Variants in SPATS2 observed in about 807,000 individuals in gnomAD.
SPATS2 encodes the protein spermatogenesis associated serine rich 2.
A neutral mutation model predicts 63.7 loss-of-function variants in SPATS2; 38 were observed. The observed-to-expected ratio is 0.60, with a 90% CI of 0.46 to 0.78. The LOEUF (loss-of-function observed/expected upper bound fraction) is 0.78. Ranked by LOEUF, SPATS2 falls within the 30% of genes least tolerant of loss-of-function variation. SPATS2 has a pLI of 0.00. For synonymous variants in SPATS2, 207 were observed against 232.9 expected (o/e 0.89, Z 1.01); for missense variants, 588 against 666.2 (o/e 0.88, Z 1.29).
chr12:49,491,499 G>A (rs1301572844), intron 6 of SPATS2, among the ~76,000 whole-genome samples: 1 of 152,034 alleles, frequency 6.6e-6, no homozygotes, highest in African/African-American at 2.4e-5. Context: ...AGGATCACTT[G>A]CGCCCAGGAG....
chr12:49,459,405 A>G (rs968992433), intron 2 of SPATS2, among the ~76,000 whole-genome samples: 4 of 151,752 alleles, frequency 2.6e-5, no homozygotes, highest in Non-Finnish European at 4.4e-5. Flanking sequence ...CTGGAGTGCA[A>G]TGGTGCGATC....
At chr12:49,483,780 T>C (rs915373501) in intron 3 of SPATS2, among the ~76,000 whole-genome samples, 2 of 152,200 alleles carry the variant, frequency 1.3e-5, no homozygotes, top group African/African-American at 4.8e-5. Flanking sequence ...TGTTATCACC[T>C]GGGAGTAAAA....
At chr12:49,373,411 C>T (rs902389657) in intron 2 of SPATS2, among the ~76,000 whole-genome samples, 1 of 152,220 alleles carries the variant, frequency 6.6e-6, no homozygotes, top group Non-Finnish European at 1.5e-5. Context: ...TGAGCCCACA[C>T]TTACTTTGTA....
chr12:49,421,515 A>G (rs970383352), intron 2 of SPATS2, among the ~76,000 whole-genome samples: 1 of 152,122 alleles, frequency 6.6e-6, no homozygotes, highest in Non-Finnish European at 1.5e-5. Context: ...GAGGGATACA[A>G]ATCCCACAGA....
At chr12:49,396,585 G>T (rs1159208233) in intron 2 of SPATS2, among the ~76,000 whole-genome samples, 1 of 152,114 alleles carries the variant, frequency 6.6e-6, no homozygotes, top group Non-Finnish European at 1.5e-5. Context: ...TCAGCTTGGG[G>T]TCCCTCTACC....
intron 7 of SPATS2, among the ~76,000 whole-genome samples, chr12:49,495,277 T>A (rs892922863): frequency 6.6e-6 from 1 of 152,118 alleles, no homozygotes; most frequent in African/African-American, 2.4e-5. Context: ...CACTGCAAGC[T>A]CCACCTCCTG....
intron 2 of SPATS2, among the ~76,000 whole-genome samples, chr12:49,458,675 G>T (rs996881362): frequency 2.6e-5 from 4 of 151,458 alleles, no homozygotes; most frequent in Non-Finnish European, 4.4e-5. Flanking sequence ...AGCTACACGG[G>T]AGCCTGAGGC....
Position 49,524,835 on chromosome 12 carries a change from C to T in SPATS2, c.1265C>T (p.Pro422Leu), listed in dbSNP as rs781041192. ...AGTGCTAACAAGAAAAACTTTGCAC[C>T]GGGAGAGACTCCTGCAGCCATAGCA... ...LTSANKKNFA[P>L]GETPAAIANS... The change falls in exon 13 of 14, where the codon CCG becomes CTG. Residue 422 changes from proline (P) to leucine (L), a missense_variant. Transcript: ENST00000552918. 31 of 1,613,898 alleles carry T rather than the reference C, an allele frequency of 1.9e-5. No homozygotes were observed. The highest frequency in any genetic ancestry group is 1.3e-4 in the East Asian group (6 of 44,884).
At chr12:49,440,247 G>A (rs1011600496) in intron 2 of SPATS2, among the ~76,000 whole-genome samples, 2 of 152,098 alleles carry the variant, frequency 1.3e-5, no homozygotes, top group African/African-American at 4.8e-5. Flanking sequence ...ACATAAACCT[G>A]AAGAGTCAAA....
At chr12:49,490,754 G>A in intron 6 of SPATS2, 23 bp downstream of exon 6, 1 of 1,607,742 alleles carries the variant, frequency 6.2e-7, no homozygotes, top group South Asian at 1.1e-5. Context: ...ACATTTAAAA[G>A]CATGATGATG....
intron 2 of SPATS2, among the ~76,000 whole-genome samples, chr12:49,427,460 T>G (rs1945101013): frequency 6.6e-6 from 1 of 152,202 alleles, no homozygotes. Context: ...TTCCATTTTC[T>G]TAACTGTTAT....
intron 10 of SPATS2, among the ~76,000 whole-genome samples, chr12:49,516,274 C>T (rs1404616088): frequency 7.0e-6 from 1 of 142,834 alleles, no homozygotes; most frequent in Non-Finnish European, 1.5e-5. Context: ...GTGGAAGGAT[C>T]ACTTGAGCCC....
chr12:49,494,685 TG>T, intron 6 of SPATS2, 55 bp from the exon 7 acceptor site: 2 of 1,455,804 alleles, frequency 1.4e-6, no homozygotes, highest in Non-Finnish European at 1.8e-6. Flanking sequence ...CTCTCTAGGT[TG>T]TGGGGGAATC....
upstream of SPATS2, chr12:49,367,345 G>A (rs1041307419): frequency 5.1e-6 from 2 of 390,640 alleles, no homozygotes; most frequent in Non-Finnish European, 4.5e-6. Flanking sequence ...GCGAGGGTCG[G>A]GGTGATCTGC....
intron 2 of SPATS2, among the ~76,000 whole-genome samples, chr12:49,377,090 C>CT (rs1187855467): frequency 1.3e-5 from 2 of 152,116 alleles, no homozygotes; most frequent in Non-Finnish European, 2.9e-5. Context: ...AATATACACA[C>CT]TGAATACACT....
At chr12:49,519,034 A>G in intron 10 of SPATS2, 39 bp from the exon 11 acceptor site, 2 of 1,526,146 alleles carry the variant, frequency 1.3e-6, no homozygotes, top group Non-Finnish European at 1.8e-6. Flanking sequence ...TATCCTATTT[A>G]GCAGCAACAT....
rs867997556 is a variant in SPATS2, at chr12:49,398,570, A to G, written c.-244+27280A>G. On this transcript the variant is annotated intron_variant, in intron 2 of 13. Coordinates refer to ENST00000552918, the MANE Select transcript of SPATS2 (RefSeq NM_023071.4). ...GGGTTTCTTGTTTGGGAGACCAAGTAGTGCCACCCACATAGGCACTATGGG... is the reference window on the plus strand; with the variant it reads ...GGGTTTCTTGTTTGGGAGACCAAGTGGTGCCACCCACATAGGCACTATGGG... Among the ~76,000 whole-genome samples the G allele has an allele frequency of 2.6e-5, 4 of 152,358 alleles. No homozygotes were observed. The South Asian group carries it at 6.2e-4, about 24-fold the overall frequency.
At chr12:49,427,891 TTTC>T (rs1945108839) in intron 2 of SPATS2, among the ~76,000 whole-genome samples, 1 of 152,196 alleles carries the variant, frequency 6.6e-6, no homozygotes, top group African/African-American at 2.4e-5. Flanking sequence ...TTGATCAGTA[TTTC>T]TAGAGTCTTC....
chr12:49,490,869 C>T (rs1478432541), intron 6 of SPATS2, 138 bp downstream of exon 6: 2 of 743,182 alleles, frequency 2.7e-6, no homozygotes, highest in Non-Finnish European at 4.3e-6. Context: ...TGGCCAGGTG[C>T]AGGGGCTCAC....
Sources: allele counts gnomAD v4.1 joint callset (sites outside exome capture counted in the v4.1 genomes callset), GRCh38; gene constraint gnomAD v4.1.1; transcripts MANE v1.5; gene names NCBI Gene and HGNC (gene_info 2026-07-23, HGNC 2026-07-21).